SV2C: variants seen among roughly 807,000 people sequenced by gnomAD.
The protein encoded by SV2C is solute carrier family 22 member B3.
SV2C carries 49 observed loss-of-function variants against 79.7 expected under a neutral mutation model. The ratio of observed to expected loss-of-function variants is 0.61; its 90% confidence interval spans 0.49 to 0.78. SV2C has a LOEUF of 0.78. Ranked by LOEUF, SV2C falls within the 30% of genes least tolerant of loss-of-function variation. SV2C has a pLI of 0.00. For synonymous variants in SV2C, 334 were observed against 333.2 expected (o/e 1.00, Z -0.03); for missense variants, 833 against 912.9 (o/e 0.91, Z 1.13).
chr5:75,960,139 AT>A, the SV2C span, among the ~76,000 whole-genome samples: 1 of 152,006 alleles, frequency 6.6e-6, no homozygotes, highest in African/African-American at 2.4e-5. Flanking sequence ...GGAACTTTTA[AT>A]GAAAAAATCC....
intron 3 of SV2C, among the ~76,000 whole-genome samples, chr5:76,204,263 G>A (rs993923553): frequency 3.3e-5 from 5 of 152,118 alleles, no homozygotes; most frequent in Admixed American, 6.5e-5. Context: ...TGTTGATTCC[G>A]AGTAAGAATT....
At chr5:75,997,020 T>C in the SV2C span, among the ~76,000 whole-genome samples, 1 of 149,382 alleles carries the variant, frequency 6.7e-6, no homozygotes, top group Admixed American at 6.7e-5. Context: ...TCCAACACTA[T>C]GTTGAATAGG....
At chr5:75,933,451 G>A in the SV2C span, among the ~76,000 whole-genome samples, 44 of 152,086 alleles carry the variant, frequency 2.9e-4, no homozygotes, top group African/African-American at 1.0e-3. Context: ...AATAAATACT[G>A]ACTGAATGAA....
chr5:75,920,892 G>T, the SV2C span: 3 of 754,042 alleles, frequency 4.0e-6, no homozygotes, highest in East Asian at 7.4e-5. Context: ...GAAGGTCAGG[G>T]TCAGCAGGCC....
At chr5:75,851,131 C>T in the SV2C span, among the ~76,000 whole-genome samples, 1 of 152,180 alleles carries the variant, frequency 6.6e-6, no homozygotes, top group South Asian at 2.1e-4. Context: ...TTGATGGAGT[C>T]ATTGGCTCCA....
the SV2C span, among the ~76,000 whole-genome samples, chr5:75,991,413 T>C: frequency 2.6e-5 from 4 of 151,144 alleles, no homozygotes; most frequent in Non-Finnish European, 4.4e-5. Context: ...TATGGTAGAG[T>C]TTTTTAATAT....
At chr5:76,270,002 A>C (rs547534114) in intron 4 of SV2C, among the ~76,000 whole-genome samples, 1 of 152,274 alleles carries the variant, frequency 6.6e-6, no homozygotes, top group South Asian at 2.1e-4. Flanking sequence ...CTTTCCAGAG[A>C]GCAGAGGTGA....
rs376055021 is a variant in SV2C at position 76,152,136 on chromosome 5, G to A, written c.580+19806G>A. On this transcript the variant is annotated intron_variant, in intron 2 of 12. Transcript: ENST00000502798. The stretch of plus-strand genomic sequence containing the variant: ...CACAATAGATGAGTGCTTCTGAGGG[G>A]ACGGGGCTGAGAAAAGGACACAGGC... Among the ~76,000 whole-genome samples, 25 of 152,344 alleles carry A rather than the reference G, an allele frequency of 1.6e-4. 1 individual carries two copies. The East Asian group carries it at 4.8e-3, about 29-fold the overall frequency.
intron 4 of SV2C, among the ~76,000 whole-genome samples, chr5:76,247,161 C>T (rs1167803494): frequency 3.9e-5 from 6 of 152,210 alleles, no homozygotes; most frequent in East Asian, 1.9e-4. Context: ...GCCAGTGAGG[C>T]GGACACACCT....
chr5:76,118,322 C>T (rs968886962), intron 1 of SV2C, among the ~76,000 whole-genome samples: 17 of 152,092 alleles, frequency 1.1e-4, no homozygotes, highest in Non-Finnish European at 2.2e-4. Flanking sequence ...GGATATAGGG[C>T]CCACCTGAAT....
chr5:76,236,061 A>T (rs527725833), intron 4 of SV2C, among the ~76,000 whole-genome samples: 121 of 152,206 alleles, frequency 7.9e-4, no homozygotes, highest in Non-Finnish European at 1.6e-3. Context: ...TTCTTCTCTA[A>T]GATAAAATGA....
intron 1 of SV2C, among the ~76,000 whole-genome samples, chr5:76,113,084 G>A (rs537093041): frequency 5.3e-5 from 8 of 152,186 alleles, no homozygotes; most frequent in African/African-American, 1.4e-4. Context: ...CTCTCAGTAC[G>A]TGTTTGTGTT....
At chr5:75,981,799 T>C in the SV2C span, among the ~76,000 whole-genome samples, 1 of 151,946 alleles carries the variant, frequency 6.6e-6, no homozygotes, top group African/African-American at 2.4e-5. Context: ...ATTCAGGACA[T>C]AGGCACAGGC....
the SV2C span, among the ~76,000 whole-genome samples, chr5:76,026,959 T>C: frequency 1.3e-5 from 2 of 152,082 alleles, no homozygotes; most frequent in African/African-American, 2.4e-5. Flanking sequence ...AGACTTTTCC[T>C]ATTTTTTTTC....
chr5:75,901,657 T>C, the SV2C span, among the ~76,000 whole-genome samples: 2 of 152,254 alleles, frequency 1.3e-5, no homozygotes, highest in Non-Finnish European at 2.9e-5. Context: ...AGGTTACTGC[T>C]GTCTTTTTCT....
At chr5:75,898,937 C>A in the SV2C span, among the ~76,000 whole-genome samples, 1 of 151,998 alleles carries the variant, frequency 6.6e-6, no homozygotes, top group Admixed American at 6.6e-5. Flanking sequence ...TTTTTTATTG[C>A]ATCTTTTTGA....
rs16873303 is a variant in SV2C, at chr5:76,295,684, C to T, written c.1338-94C>T. On this transcript the variant is annotated intron_variant, in intron 8 of 12. Transcript: ENST00000502798. ...ATGTTATAGGGAGCCAGCCATTCTCCGGGAACTATTACCAGTCTGAAAACA... is the reference window on the plus strand; with the variant it reads ...ATGTTATAGGGAGCCAGCCATTCTCTGGGAACTATTACCAGTCTGAAAACA... The T allele has an allele frequency of 7.7e-3, 9,685 of 1,252,718 alleles. 57 individuals are homozygous for T. The highest frequency in any genetic ancestry group is 0.021 in the Middle Eastern group (109 of 5,148). The allele number at this position is 1,252,718 out of a possible 1,614,324, so 77.6% of individuals were successfully genotyped here.
chr5:76,177,321 T>G (rs1229236344), intron 2 of SV2C, among the ~76,000 whole-genome samples: 1 of 151,308 alleles, frequency 6.6e-6, no homozygotes, highest in African/African-American at 2.4e-5. Context: ...AGTACAGAGA[T>G]CTTCCCTTAT....
intron 12 of SV2C, among the ~76,000 whole-genome samples, chr5:76,351,456 A>T (rs897276496): frequency 6.6e-6 from 1 of 150,622 alleles, no homozygotes; most frequent in African/African-American, 2.4e-5. Flanking sequence ...TCAAAAAAAA[A>T]AAAAATAGTC....
Sources: allele counts gnomAD v4.1 joint callset (sites outside exome capture counted in the v4.1 genomes callset), GRCh38; gene constraint gnomAD v4.1.1; transcripts MANE v1.5; gene names NCBI Gene and HGNC (gene_info 2026-07-23, HGNC 2026-07-21).